PALLD: variants seen among roughly 807,000 people sequenced by gnomAD.
The protein encoded by PALLD is palladin, cytoskeletal associated protein.
In PALLD, 61 loss-of-function variants were observed where a neutral mutation model predicts 123.5. The observed-to-expected ratio is 0.49, with a 90% CI of 0.40 to 0.61. PALLD has a LOEUF of 0.61. Among genes scored for constraint, PALLD ranks in the 20% least tolerant of loss-of-function variants. PALLD has a pLI of 0.00. For missense variants in PALLD, 1,273 were observed against 1,377.0 expected (o/e 0.92, Z 1.20); for synonymous variants, 465 against 496.4 (o/e 0.94, Z 0.84).
intron 2 of PALLD, among the ~76,000 whole-genome samples, chr4:168,641,005 G>A (rs765158406): frequency 1.4e-4 from 21 of 152,214 alleles, no homozygotes; most frequent in Non-Finnish European, 2.6e-4. Flanking sequence ...TCAGGAGATC[G>A]AGACCATCCT....
chr4:168,906,066 C>G (rs1757737134), intron 15 of PALLD, among the ~76,000 whole-genome samples: 1 of 152,030 alleles, frequency 6.6e-6, no homozygotes, highest in African/African-American at 2.4e-5. Flanking sequence ...GTTTAGTTTT[C>G]TGCCTGTTTA....
chr4:168,861,903 C>A (rs906429118), intron 10 of PALLD, among the ~76,000 whole-genome samples: 3 of 152,006 alleles, frequency 2.0e-5, no homozygotes, highest in East Asian at 1.9e-4. Context: ...TGATCCTCCC[C>A]CTTCGGCCTC....
chr4:168,530,037 G>A lies in PALLD; in HGVS notation c.908+17625G>A, dbSNP rs114159427. ...ATATTTCATTATTACTATGGCCCTC[G>A]GGTTCTGTGTTAGAACAATTACATA... On this transcript the variant is annotated intron_variant, in intron 2 of 21. Transcript: ENST00000505667. 2.5e-3 allele frequency among the ~76,000 whole-genome samples: 383 copies of A among 151,998 alleles called. 1 individual carries two copies. Among genetic ancestry groups the A allele is most frequent in the African/African-American group, 8.6e-3 (357 of 41,414 alleles).
At chr4:168,531,747 A>G (rs1764619569) in intron 2 of PALLD, among the ~76,000 whole-genome samples, 1 of 152,166 alleles carries the variant, frequency 6.6e-6, no homozygotes, top group African/African-American at 2.4e-5. Context: ...TTCATAAGGT[A>G]TTGGCCACCA....
At chr4:168,858,074 T>C (rs2151013303) in intron 10 of PALLD, among the ~76,000 whole-genome samples, 1 of 152,354 alleles carries the variant, frequency 6.6e-6, no homozygotes, top group Admixed American at 6.5e-5. Flanking sequence ...ATAGAAACTC[T>C]GATTATTTAG....
intron 10 of PALLD, among the ~76,000 whole-genome samples, chr4:168,725,897 A>G (rs555371910): frequency 5.3e-5 from 8 of 152,192 alleles, no homozygotes; most frequent in Non-Finnish European, 1.2e-4. Context: ...TAGTCTTCCA[A>G]ACAGTGCTAG....
chr4:168,916,301 A>C (rs1279596314), intron 17 of PALLD, among the ~76,000 whole-genome samples: 1 of 152,062 alleles, frequency 6.6e-6, no homozygotes, highest in Non-Finnish European at 1.5e-5. Context: ...AGTCCCATCT[A>C]CTTGGGAGGC....
chr4:168,569,258 T>C (rs1768729151), intron 2 of PALLD, among the ~76,000 whole-genome samples: 1 of 152,098 alleles, frequency 6.6e-6, no homozygotes, highest in Non-Finnish European at 1.5e-5. Context: ...CTGGAGCAAA[T>C]ATTGTTCCAG....
chr4:168,587,824 C>T (rs983865290), intron 2 of PALLD, among the ~76,000 whole-genome samples: 1 of 152,068 alleles, frequency 6.6e-6, no homozygotes, highest in Non-Finnish European at 1.5e-5. Context: ...CACCACTTGG[C>T]CTAACAGCAC....
chr4:168,765,772 T>C (rs1207157318), intron 10 of PALLD, among the ~76,000 whole-genome samples: 1 of 151,006 alleles, frequency 6.6e-6, no homozygotes, highest in Non-Finnish European at 1.5e-5. Flanking sequence ...AGATTCAGGA[T>C]CTGGATATGT....
At chr4:168,556,952 A>AG (rs1767374531) in intron 2 of PALLD, among the ~76,000 whole-genome samples, 1 of 152,226 alleles carries the variant, frequency 6.6e-6, no homozygotes, top group African/African-American at 2.4e-5. Context: ...GAAGGCAGGA[A>AG]GCAGAGCAAG....
At chr4:168,767,690 G>A (rs1733871792) in intron 10 of PALLD, among the ~76,000 whole-genome samples, 1 of 152,060 alleles carries the variant, frequency 6.6e-6, no homozygotes, top group African/African-American at 2.4e-5. Flanking sequence ...TGGGATTACG[G>A]GGATGTACCA....
intron 11 of PALLD, chr4:168,894,072 AG>A (rs1330543763): frequency 1.1e-5 from 2 of 180,808 alleles, no homozygotes; most frequent in Non-Finnish European, 2.3e-5. Flanking sequence ...ACATTTACTG[AG>A]CACATACTGT....
intron 10 of PALLD, among the ~76,000 whole-genome samples, chr4:168,797,836 C>G (rs771892715): frequency 2.0e-5 from 3 of 151,962 alleles, no homozygotes; most frequent in Non-Finnish European, 2.9e-5. Context: ...ACCCCACCCC[C>G]ACCACCATAC....
intron 10 of PALLD, among the ~76,000 whole-genome samples, chr4:168,773,454 G>A (rs1734726643): frequency 6.6e-6 from 1 of 152,120 alleles, no homozygotes; most frequent in African/African-American, 2.4e-5. Context: ...AGAAATTCAG[G>A]GATAAAAATA....
At chr4:168,641,781 G>A (rs906781936) in intron 2 of PALLD, among the ~76,000 whole-genome samples, 1 of 152,018 alleles carries the variant, frequency 6.6e-6, no homozygotes, top group African/African-American at 2.4e-5. Flanking sequence ...TTCTACTCCC[G>A]TGCACCCCAG....
intron 10 of PALLD, among the ~76,000 whole-genome samples, chr4:168,735,980 CA>C (rs1787711276): frequency 6.6e-6 from 1 of 152,128 alleles, no homozygotes; most frequent in Non-Finnish European, 1.5e-5. Flanking sequence ...CAAGCTTTGC[CA>C]AAAGGAAACA....
chr4:168,669,546 T>TGG (rs2150019292), intron 3 of PALLD, among the ~76,000 whole-genome samples: 1 of 152,106 alleles, frequency 6.6e-6, no homozygotes, highest in Admixed American at 6.6e-5. Context: ...TTACATTGAG[T>TGG]TATGATGATA....
chr4:168,799,916 A>T (rs112636724), intron 10 of PALLD, among the ~76,000 whole-genome samples: 1 of 152,328 alleles, frequency 6.6e-6, no homozygotes, highest in African/African-American at 2.4e-5. Context: ...GTATGTATTC[A>T]TGCACTTATA....
Sources: allele counts gnomAD v4.1 joint callset (sites outside exome capture counted in the v4.1 genomes callset), GRCh38; gene constraint gnomAD v4.1.1; transcripts MANE v1.5; gene names NCBI Gene and HGNC (gene_info 2026-07-23, HGNC 2026-07-21).